Variants in ACOT12 observed in about 807,000 individuals in gnomAD.
The protein encoded by ACOT12 is acyl-CoA thioesterase 12.
In ACOT12, 51 loss-of-function variants were observed where a neutral mutation model predicts 67.7. The ratio of observed to expected loss-of-function variants is 0.75; its 90% CI spans 0.60 to 0.95. The LOEUF (loss-of-function observed/expected upper bound fraction) is 0.95, where lower values mean the gene tolerates loss of function less well. Ranked by LOEUF, ACOT12 falls within the 40% of genes least tolerant of loss-of-function variation. ACOT12 has a pLI of 0.00. For missense variants in ACOT12, 734 were observed against 708.1 expected, an observed-to-expected ratio of 1.04 and a Z score of -0.41; for synonymous variants, 251 against 244.6, an observed-to-expected ratio of 1.03 and a Z score of -0.24.
intron 11 of ACOT12, among the ~76,000 whole-genome samples, chr5:81,342,098 C>T (rs1348041575): frequency 6.6e-6 from 1 of 152,066 alleles, no homozygotes; most frequent in Non-Finnish European, 1.5e-5. Context: ...TCAAGTGATC[C>T]TCCCACCTCA....
chr5:81,337,520 A>T (rs1490800138), intron 11 of ACOT12, among the ~76,000 whole-genome samples: 1 of 152,188 alleles, frequency 6.6e-6, no homozygotes, highest in African/African-American at 2.4e-5. Flanking sequence ...CCCCTAATCC[A>T]ATATGACTGG....
intron 3 of ACOT12, among the ~76,000 whole-genome samples, chr5:81,369,546 A>G (rs1259901804): frequency 6.6e-6 from 1 of 152,230 alleles, no homozygotes; most frequent in Admixed American, 6.5e-5. Flanking sequence ...CAAAATTTAG[A>G]GGCTGCCTGG....
At position 81,380,410 on chromosome 5, in the gene ACOT12, A is replaced by C. The variant is rs180920752; in HGVS notation, c.197+5347T>G. Reference sequence around the variant, plus strand: ...AAAGCCCTGTCTCTACTAAAAATTCAAAAATTAGCTGTGTGTGGTGGCACG... The same window carrying C: ...AAAGCCCTGTCTCTACTAAAAATTCCAAAATTAGCTGTGTGTGGTGGCACG... On this transcript the variant is annotated intron_variant, in intron 2 of 14. Coordinates refer to ENST00000307624, the MANE Select transcript of ACOT12 (RefSeq NM_130767.3). 7.2e-5 allele frequency among the ~76,000 whole-genome samples: 11 copies of C among 152,144 alleles called. No individual in the cohort carries two copies. In the East Asian group the frequency reaches 2.1e-3, roughly 30 times the overall value.
chr5:81,390,350 G>T (rs1760831014), intron 1 of ACOT12, among the ~76,000 whole-genome samples: 1 of 151,210 alleles, frequency 6.6e-6, no homozygotes, highest in South Asian at 2.2e-4. Context: ...TCTTTTCTCA[G>T]CCATGTCCAT....
At chr5:81,334,937 C>T (rs1404953421) in intron 12 of ACOT12, among the ~76,000 whole-genome samples, 1 of 152,108 alleles carries the variant, frequency 6.6e-6, no homozygotes, top group Non-Finnish European at 1.5e-5. Flanking sequence ...GCAGGGACAT[C>T]ATCAGGAGGG....
chr5:81,371,772 C>T lies in ACOT12; in HGVS notation c.236G>A (p.Arg79Lys), dbSNP rs766787273. The stretch of plus-strand genomic sequence containing the variant: ...TACCTCCATGCTTGTGCTGAATGCT[C>T]TAGTAACTTTTGCTTTGATGGTTAT... The part of the protein sequence containing the change: ...QVITIKAKVT[R>K]AFSTSMEISI... The change falls in exon 3 of 15, where the codon AGA becomes AAA. Residue 79 changes from arginine (R) to lysine (K), a missense_variant. Arg to Lys is a conservative substitution (Grantham distance 26). Transcript: ENST00000307624. The T allele has an allele frequency of 1.2e-5, 20 of 1,613,992 alleles. No individual in the cohort carries two copies. The East Asian group carries it at 2.9e-4, about 23-fold the overall frequency.
chr5:81,344,351 T>A, intron 8 of ACOT12, 136 bp from the exon 9 acceptor site: 1 of 815,504 alleles, frequency 1.2e-6, no homozygotes, highest in East Asian at 2.7e-5. Flanking sequence ...ATGAACTGAC[T>A]TCATCAAGTC....
chr5:81,329,060 A>G (rs530374280), downstream of ACOT12, among the ~76,000 whole-genome samples: 44 of 152,184 alleles, frequency 2.9e-4, no homozygotes, highest in Non-Finnish European at 5.9e-4. Context: ...TCTGTTGTCA[A>G]TTAGAGTGGG....
At chr5:81,320,702 G>C in the ACOT12 span, among the ~76,000 whole-genome samples, 3 of 152,098 alleles carry the variant, frequency 2.0e-5, no homozygotes, top group Non-Finnish European at 4.4e-5. Context: ...TTATGAATAA[G>C]AGCCAGCAGC....
chr5:81,379,767 C>T (rs1199121288), intron 2 of ACOT12, among the ~76,000 whole-genome samples: 2 of 152,184 alleles, frequency 1.3e-5, no homozygotes, highest in African/African-American at 4.8e-5. Context: ...ACATATCTCA[C>T]TCTGTCACCC....
chr5:81,393,413 T>G (rs552516135), intron 1 of ACOT12, among the ~76,000 whole-genome samples: 1 of 152,324 alleles, frequency 6.6e-6, no homozygotes, highest in South Asian at 2.1e-4. Context: ...AAAAGCTGCC[T>G]GGGTGCGGTG....
At position 81,330,853 on chromosome 5, in the gene ACOT12, G is replaced by A. The variant is rs561429664; in HGVS notation, c.1479C>T (p.Ala493=). ...TGTCAATAGCATGGATGAGAAATCCGGCACATATGATTTCACTTCTGATGT... is the reference window on the plus strand; with the variant it reads ...TGTCAATAGCATGGATGAGAAATCCAGCACATATGATTTCACTTCTGATGT... The part of the protein sequence containing the change: ...PQYIRSEIIC[A]GFLIHAIDSN... Residue 493 remains alanine (A), a synonymous_variant, in exon 14 of 15, where the codon GCC becomes GCT. Transcript: ENST00000307624. The A allele has an allele frequency of 1.2e-5, 19 of 1,613,854 alleles. No individual in the cohort carries two copies. The highest frequency in any genetic ancestry group is 9.9e-5 in the South Asian group (9 of 91,062).
At chr5:81,365,122 T>C (rs969641367) in intron 3 of ACOT12, among the ~76,000 whole-genome samples, 2 of 152,286 alleles carry the variant, frequency 1.3e-5, no homozygotes, top group Non-Finnish European at 2.9e-5. Context: ...TAAACTCAGG[T>C]ACTTGTCTTT....
chr5:81,343,031 A>T (rs1759250332), intron 10 of ACOT12, among the ~76,000 whole-genome samples: 1 of 152,120 alleles, frequency 6.6e-6, no homozygotes, highest in Middle Eastern at 3.2e-3. Flanking sequence ...AAAATACAAA[A>T]ATTAGCCGGG....
intron 2 of ACOT12, among the ~76,000 whole-genome samples, chr5:81,375,506 G>T (rs1010326502): frequency 6.6e-6 from 1 of 152,134 alleles, no homozygotes; most frequent in Non-Finnish European, 1.5e-5. Flanking sequence ...AACCTTAAAT[G>T]TAAACAGGCT....
chr5:81,393,843 C>T (rs1760928351), intron 1 of ACOT12, 145 bp downstream of exon 1: 1 of 910,716 alleles, frequency 1.1e-6, no homozygotes, highest in Non-Finnish European at 1.4e-6. Context: ...CGCGGGCGCA[C>T]TGTTGCAACA....
At position 81,330,834 on chromosome 5, in the gene ACOT12, T is replaced by C; in HGVS notation, c.1498A>G (p.Ile500Val). 6.2e-7 allele frequency: 1 copy of C among 1,614,016 alleles called. No homozygotes were observed. Among genetic ancestry groups the C allele is most frequent in the Non-Finnish European group, 8.5e-7 (1 of 1,179,980 alleles). ...IICAGFLIHAIDSNSCIVSYF... is the reference protein window; with the variant it reads ...IICAGFLIHAVDSNSCIVSYF... ...CTTACGATGCATGAATTGCTGTCAATAGCATGGATGAGAAATCCGGCACAT... is the reference window on the plus strand; with the variant it reads ...CTTACGATGCATGAATTGCTGTCAACAGCATGGATGAGAAATCCGGCACAT... The change falls in exon 14 of 15, where the codon ATT becomes GTT. Residue 500 changes from isoleucine (I) to valine (V), a missense_variant. Ile to Val is a conservative substitution (Grantham distance 29, BLOSUM62 3). Transcript: ENST00000307624.
At chr5:81,390,474 G>A (rs1760833184) in intron 1 of ACOT12, among the ~76,000 whole-genome samples, 1 of 151,208 alleles carries the variant, frequency 6.6e-6, no homozygotes, top group Non-Finnish European at 1.5e-5. Flanking sequence ...GAAATGTACT[G>A]TCTTTTCAAT....
Position 81,330,045 on chromosome 5 carries a change from GA to G in ACOT12, c.*348del, listed in dbSNP as rs1225373934. The G allele has an allele frequency of 2.4e-5, 4 of 163,656 alleles. No homozygotes were observed. The highest frequency in any genetic ancestry group is 9.6e-5 in the African/African-American group (4 of 41,840). 10.1% of individuals were successfully genotyped at this position (163,656 alleles called of 1,614,324 possible). ...AATTTTTTTTTTGGAATTTCACACA[GA>G]ATGCATGTTTCACCTCTGTAACCTA... is the stretch of plus-strand genomic sequence containing the variant. On this transcript the variant is annotated 3_prime_UTR_variant, in exon 15 of 15. Coordinates refer to ENST00000307624, the MANE Select transcript of ACOT12 (RefSeq NM_130767.3).
Sources: gnomAD v4.1 joint callset for allele counts (sites outside exome capture counted in the v4.1 genomes callset) on GRCh38, gnomAD v4.1.1 for gene constraint, MANE v1.5 for transcripts, NCBI Gene and HGNC (gene_info 2026-07-23, HGNC 2026-07-21) for gene names.